Variants in KCNMA1 observed in about 807,000 individuals in gnomAD.
The protein encoded by KCNMA1 is Calcium-activated potassium channel subunit alpha-1.
Under a neutral mutation model 140.0 loss-of-function variants are expected in KCNMA1, and 29 were observed. That is an observed-to-expected ratio of 0.21 (90% confidence interval 0.15 to 0.28). KCNMA1 has a LOEUF of 0.28. Ranked by LOEUF, KCNMA1 falls within the 10% of genes least tolerant of loss-of-function variation. The probability of loss-of-function intolerance (pLI) is 1.00; values close to 1 mark genes in which losing one functional copy is unlikely to be tolerated. For synonymous variants in KCNMA1, 612 were observed against 611.9 expected (o/e 1.00, Z 0.00); for missense variants, 880 against 1,602.2 (o/e 0.55, Z 7.70).
chr10:77,298,439 G>A (rs61868384), intron 2 of KCNMA1, among the ~76,000 whole-genome samples: 36,465 of 151,930 alleles, frequency 0.24, 5,616 homozygotes, highest in Non-Finnish European at 0.35. Flanking sequence ...ACAGGGTTTC[G>A]TCATGTTGGC....
At chr10:77,235,215 G>GAT (rs1237912735) in intron 3 of KCNMA1, among the ~76,000 whole-genome samples, 2 of 152,160 alleles carry the variant, frequency 1.3e-5, no homozygotes, top group African/African-American at 2.4e-5. Context: ...AAGTTAATTT[G>GAT]ATTGCACAAT....
intron 5 of KCNMA1, among the ~76,000 whole-genome samples, chr10:77,145,275 T>G (rs2098268304): frequency 6.6e-6 from 1 of 152,210 alleles, no homozygotes; most frequent in Non-Finnish European, 1.5e-5. Context: ...GTCTCTGACT[T>G]TTAAAATGGG....
At chr10:77,247,383 TC>T (rs1306498958) in intron 3 of KCNMA1, among the ~76,000 whole-genome samples, 7 of 152,256 alleles carry the variant, frequency 4.6e-5, no homozygotes, top group Non-Finnish European at 8.8e-5. Context: ...TTGTTTTTTT[TC>T]CTTATCTGTT....
At chr10:77,026,102 T>G in intron 16 of KCNMA1, among the ~76,000 whole-genome samples, 1 of 151,960 alleles carries the variant, frequency 6.6e-6, no homozygotes, top group East Asian at 1.9e-4. Flanking sequence ...CAAGAAAAGT[T>G]TCATCTTCAG....
At position 77,172,843 on chromosome 10, in the gene KCNMA1, G is replaced by A. The variant is rs575031619; in HGVS notation, c.808+10578C>T. Among the ~76,000 whole-genome samples, 37 of 152,200 alleles carry A rather than the reference G, an allele frequency of 2.4e-4. No individual in the cohort carries two copies. In the South Asian group the frequency reaches 7.5e-3, roughly 31 times the overall value. ...AGGCCGGAATGTCCCAGATCAAGGC[G>A]ACAACAGATTCAGCATCTGGGGAGG... On this transcript the variant is annotated intron_variant, in intron 5 of 27. Coordinates refer to ENST00000286628, the MANE Select transcript of KCNMA1 (RefSeq NM_001161352.2).
chr10:77,032,411 G>GA (rs949652541), intron 15 of KCNMA1, among the ~76,000 whole-genome samples: 1 of 151,944 alleles, frequency 6.6e-6, no homozygotes, highest in African/African-American at 2.4e-5. Context: ...GAGGTAAGGG[G>GA]AAAAAAGGAA....
chr10:77,172,739 T>G (rs1015464686), intron 5 of KCNMA1, among the ~76,000 whole-genome samples: 2 of 150,600 alleles, frequency 1.3e-5, no homozygotes, highest in African/African-American at 4.9e-5. Context: ...TAGAGCCCCA[T>G]GTCAGTCTAT....
At position 77,572,569 on chromosome 10, in the gene KCNMA1, C is replaced by CATATATATATATATATATATATATATAT. The variant is rs56706119; in HGVS notation, c.378+64668_378+64695dup. 1.3e-3 allele frequency among the ~76,000 whole-genome samples: 47 copies of CATATATATATATATATATATATATATAT among 37,550 alleles called. 1 individual carries two copies. Among genetic ancestry groups the CATATATATATATATATATATATATATAT allele is most frequent in the Non-Finnish European group, 1.6e-3 (33 of 21,048 alleles). The allele number at this position is 37,550 out of a possible 152,430, so 24.6% of individuals were successfully genotyped here. On this transcript the variant is annotated intron_variant, in intron 1 of 27. Coordinates refer to ENST00000286628, the MANE Select transcript of KCNMA1 (RefSeq NM_001161352.2). ...TGTCGCTCCAAAAAAAAAAAAAATC[C>CATATATATATATATATATATATATATAT]ATATATATATATATATATATATATA... is the stretch of plus-strand genomic sequence containing the variant.
intron 23 of KCNMA1, among the ~76,000 whole-genome samples, chr10:76,924,779 C>A (rs1487092166): frequency 6.6e-6 from 1 of 152,162 alleles, no homozygotes; most frequent in African/African-American, 2.4e-5. Context: ...CAGCCTCCCA[C>A]CATCTTGTAA....
intron 1 of KCNMA1, among the ~76,000 whole-genome samples, chr10:77,592,911 G>A (rs1334607680): frequency 6.6e-6 from 1 of 152,120 alleles, no homozygotes; most frequent in Admixed American, 6.6e-5. Context: ...AAGGCAGTGG[G>A]GTCCAATAAA....
In KCNMA1 at chr10:76,977,558, T is replaced by C. The variant is rs911321588; in HGVS notation, c.2267-7491A>G. ...ACTCGCTGACCTTTGACAGAGAAAG[T>C]TTGCTGACCCCTGCAGTAGTTTAAT... On this transcript the variant is annotated intron_variant, in intron 19 of 27. Coordinates refer to ENST00000286628, the MANE Select transcript of KCNMA1 (RefSeq NM_001161352.2). 9.4e-5 allele frequency: 66 copies of C among 702,792 alleles called. No individual in the cohort carries two copies. The African/African-American group carries it at 1.0e-3, about 11-fold the overall frequency. 43.5% of individuals were successfully genotyped at this position (702,792 alleles called of 1,614,324 possible).
chr10:77,020,395 G>A (rs2092698782), intron 16 of KCNMA1: 1 of 152,150 alleles, frequency 6.6e-6, no homozygotes, highest in Non-Finnish European at 1.5e-5. Context: ...GTGGTCACAA[G>A]AACATCTACC....
intron 15 of KCNMA1, among the ~76,000 whole-genome samples, chr10:77,033,852 T>C (rs535555417): frequency 2.6e-5 from 4 of 152,294 alleles, no homozygotes; most frequent in African/African-American, 9.6e-5. Flanking sequence ...CAATACTGTA[T>C]TCACATCTCT....
intron 3 of KCNMA1, among the ~76,000 whole-genome samples, chr10:77,239,684 G>A (rs1565429425): frequency 1.3e-5 from 2 of 152,136 alleles, no homozygotes; most frequent in South Asian, 4.1e-4. Context: ...TGAGCTATAA[G>A]CTCAGACGCT....
chr10:76,941,788 C>T (rs1364749840), intron 23 of KCNMA1, among the ~76,000 whole-genome samples: 6 of 152,104 alleles, frequency 3.9e-5, no homozygotes, highest in Admixed American at 6.5e-5. Flanking sequence ...GTAACAAACA[C>T]CATAATCTGG....
At chr10:77,130,210 T>C (rs1486233014) in intron 5 of KCNMA1, among the ~76,000 whole-genome samples, 1 of 152,208 alleles carries the variant, frequency 6.6e-6, no homozygotes, top group East Asian at 1.9e-4. Flanking sequence ...CCTATTCACC[T>C]TAAACCATAC....
At chr10:77,526,341 T>C (rs747555617) in intron 1 of KCNMA1, among the ~76,000 whole-genome samples, 5 of 152,226 alleles carry the variant, frequency 3.3e-5, no homozygotes, top group African/African-American at 7.2e-5. Context: ...ACTAATGTAG[T>C]GGACCCCCAA....
chr10:77,256,372 GC>G (rs2060769472), intron 2 of KCNMA1, among the ~76,000 whole-genome samples: 1 of 152,090 alleles, frequency 6.6e-6, no homozygotes, highest in Non-Finnish European at 1.5e-5. Flanking sequence ...AAGCAGAGAT[GC>G]CCTCATCCCA....
chr10:76,979,397 T>G (rs1035833865), intron 19 of KCNMA1: 3 of 152,180 alleles, frequency 2.0e-5, no homozygotes, highest in African/African-American at 2.4e-5. Flanking sequence ...GTTAACACAA[T>G]GTTGATTTAC....
Sources: gnomAD v4.1 joint callset for allele counts (sites outside exome capture counted in the v4.1 genomes callset) on GRCh38, gnomAD v4.1.1 for gene constraint, MANE v1.5 for transcripts, NCBI Gene and HGNC (gene_info 2026-07-23, HGNC 2026-07-21) for gene names.